DIP2B: variants seen among roughly 807,000 people sequenced by gnomAD.
The protein encoded by DIP2B is DIP2 acetate--CoA ligase B (putative).
DIP2B carries 76 observed loss-of-function variants against 198.0 expected under a neutral mutation model. The observed-to-expected ratio is 0.38, with a 90% CI of 0.32 to 0.46. DIP2B has a LOEUF of 0.46. DIP2B is among the 20% of genes least tolerant of loss of function. The pLI is 0.99. For synonymous variants in DIP2B, 701 were observed against 739.1 expected, an observed-to-expected ratio of 0.95 and a Z score of 0.84; for missense variants, 1,559 against 1,978.4, an observed-to-expected ratio of 0.79 and a Z score of 4.02.
intron 7 of DIP2B, among the ~76,000 whole-genome samples, chr12:50,677,214 C>T (rs552800551): frequency 5.9e-5 from 9 of 152,290 alleles, no homozygotes; most frequent in South Asian, 2.1e-4. Context: ...CCACTTCTCA[C>T]GCACTGCTCA....
chr12:50,527,646 G>C (rs763244350), intron 1 of DIP2B, among the ~76,000 whole-genome samples: 1 of 152,114 alleles, frequency 6.6e-6, no homozygotes, highest in Admixed American at 6.6e-5. Context: ...TGGAGTTGAG[G>C]CTGCAGTGAA....
intron 1 of DIP2B, among the ~76,000 whole-genome samples, chr12:50,604,197 A>G (rs1263545844): frequency 7.3e-6 from 1 of 136,848 alleles, no homozygotes; most frequent in Non-Finnish European, 1.5e-5. Flanking sequence ...TCCTTTAAAT[A>G]GCAAACTCTT....
chr12:50,741,286 G>A (rs997539917), intron 36 of DIP2B, 130 bp from the exon 37 acceptor site: 1 of 1,066,910 alleles, frequency 9.4e-7, no homozygotes, highest in Non-Finnish European at 1.3e-6. Flanking sequence ...TAAGGAATTT[G>A]CCCAGAGTTA....
chr12:50,601,888 G>A (rs1479465607), intron 1 of DIP2B, among the ~76,000 whole-genome samples: 1 of 152,186 alleles, frequency 6.6e-6, no homozygotes, highest in East Asian at 1.9e-4. Context: ...TTGGTGCTAG[G>A]CACCATCTTC....
chr12:50,683,492 T>C (rs964697679), intron 10 of DIP2B, among the ~76,000 whole-genome samples: 31 of 152,138 alleles, frequency 2.0e-4, no homozygotes, highest in African/African-American at 7.5e-4. Flanking sequence ...AAAATATCAC[T>C]GGGGCGAGGC....
intron 4 of DIP2B, among the ~76,000 whole-genome samples, chr12:50,664,103 C>T (rs1170447823): frequency 6.6e-6 from 1 of 152,060 alleles, no homozygotes; most frequent in Non-Finnish European, 1.5e-5. Flanking sequence ...ACCAGCCAGT[C>T]AGCTTCTTTG....
intron 1 of DIP2B, among the ~76,000 whole-genome samples, chr12:50,582,902 G>A (rs1958738039): frequency 6.6e-6 from 1 of 152,136 alleles, no homozygotes; most frequent in Non-Finnish European, 1.5e-5. Context: ...ATCAGATGAT[G>A]TAATCAAATT....
chr12:50,598,164 C>T (rs1403025377), intron 1 of DIP2B, among the ~76,000 whole-genome samples: 1 of 152,044 alleles, frequency 6.6e-6, no homozygotes, highest in Non-Finnish European at 1.5e-5. Flanking sequence ...TTTCTCTTTC[C>T]TTTAGAGGAA....
chr12:50,696,674 A>G (rs1427644344), intron 16 of DIP2B, among the ~76,000 whole-genome samples: 1 of 152,196 alleles, frequency 6.6e-6, no homozygotes, highest in Non-Finnish European at 1.5e-5. Flanking sequence ...CTTGACCTTA[A>G]TATCATATAG....
At chr12:50,724,541 A>G (rs889856833) in intron 27 of DIP2B, among the ~76,000 whole-genome samples, 1 of 152,234 alleles carries the variant, frequency 6.6e-6, no homozygotes, top group Admixed American at 6.5e-5. Flanking sequence ...AATCACTGTT[A>G]TAAATGATAC....
intron 21 of DIP2B, 134 bp from the exon 22 acceptor site, chr12:50,708,314 A>G: frequency 1.5e-6 from 1 of 675,116 alleles, no homozygotes; most frequent in Non-Finnish European, 2.6e-6. Context: ...AGTAATGATT[A>G]TGACATTTTC....
At chr12:50,659,290 G>C (rs534332910) in intron 3 of DIP2B, among the ~76,000 whole-genome samples, 1 of 152,112 alleles carries the variant, frequency 6.6e-6, no homozygotes, top group East Asian at 1.9e-4. Context: ...TTGATTCAGA[G>C]TTTAAATTTA....
intron 27 of DIP2B, 124 bp downstream of exon 27, chr12:50,723,447 C>T (rs566166550): frequency 1.5e-5 from 20 of 1,344,380 alleles, no homozygotes; most frequent in Non-Finnish European, 2.0e-5. Context: ...CTGGAGACTA[C>T]CTCCTTTTTG....
chr12:50,535,745 T>C (rs986059059), intron 1 of DIP2B, among the ~76,000 whole-genome samples: 3 of 151,670 alleles, frequency 2.0e-5, no homozygotes, highest in African/African-American at 7.3e-5. Context: ...ATGTGCACAA[T>C]GTGCAGGTTA....
At position 50,744,636 on chromosome 12, in the gene DIP2B, G is replaced by A. The variant is rs138370328; in HGVS notation, c.4528G>A (p.Gly1510Ser). 8.7e-6 allele frequency: 14 copies of A among 1,614,012 alleles called. No homozygotes were observed. Among genetic ancestry groups the A allele is most frequent in the African/African-American group, 2.7e-5 (2 of 74,898 alleles). ...NLLVVVVELCGSEQEALDLVP... is the reference protein window; with the variant it reads ...NLLVVVVELCSSEQEALDLVP... ...GCTTGTGGTGGTTGTGGAACTGTGC[G>A]GCTCTGAACAGGAAGCCCTAGATCT... Residue 1510 changes from glycine to serine, a missense_variant, in exon 38 of 38, where the codon GGC (glycine) becomes AGC (serine). Coordinates refer to ENST00000301180, the MANE Select transcript of DIP2B (RefSeq NM_173602.3).
chr12:50,620,850 C>T (rs61927854), intron 1 of DIP2B, among the ~76,000 whole-genome samples: 1 of 152,170 alleles, frequency 6.6e-6, no homozygotes, highest in Admixed American at 6.5e-5. Flanking sequence ...TCCCCCTCCT[C>T]CCAATCAGTT....
At chr12:50,647,614 G>T (rs1938373181) in intron 3 of DIP2B, among the ~76,000 whole-genome samples, 1 of 152,138 alleles carries the variant, frequency 6.6e-6, no homozygotes. Flanking sequence ...TTGTTGGCTT[G>T]CAAGGAATTC....
intron 10 of DIP2B, among the ~76,000 whole-genome samples, chr12:50,684,618 C>A (rs1730719119): frequency 6.6e-6 from 1 of 151,652 alleles, no homozygotes; most frequent in Admixed American, 6.6e-5. Context: ...ATGGTGGAAC[C>A]CCATCTCTAC....
rs752468039 is a variant in DIP2B at position 50,723,198 on chromosome 12, G to A, written c.3167-4G>A. 23 of 1,613,840 alleles carry A rather than the reference G, an allele frequency of 1.4e-5. No homozygotes were observed. In the East Asian group the frequency reaches 4.0e-4, roughly 28 times the overall value. ...CTCTCCTGACAGGGTCCTTTGTCTT[G>A]CAGGCATTGAGTTAATCGCCGCCTT... On this transcript the variant is annotated splice_polypyrimidine_tract_variant and splice_region_variant and intron_variant, in intron 26 of 37. Transcript: ENST00000301180.
Sources: gnomAD v4.1 joint callset for allele counts (sites outside exome capture counted in the v4.1 genomes callset) on GRCh38, gnomAD v4.1.1 for gene constraint, MANE v1.5 for transcripts, NCBI Gene and HGNC (gene_info 2026-07-23, HGNC 2026-07-21) for gene names.